VIL1: variants seen among roughly 807,000 people sequenced by gnomAD.
The protein encoded by VIL1 is villin-1.
Under a neutral mutation model 104.0 loss-of-function variants are expected in VIL1, and 86 were observed. That is an observed-to-expected ratio of 0.83 (90% confidence interval 0.69 to 0.99). The LOEUF is 0.99. Among genes scored for constraint, VIL1 ranks in the 50% least tolerant of loss-of-function variants. VIL1 has a pLI of 0.00. For missense variants in VIL1, 944 were observed against 1,054.1 expected (o/e 0.90, Z 1.45); for synonymous variants, 394 against 412.6 (o/e 0.95, Z 0.55).
At chr2:218,445,521 G>A (rs1225020473) in intron 19 of VIL1, among the ~76,000 whole-genome samples, 1 of 152,132 alleles carries the variant, frequency 6.6e-6, no homozygotes, top group African/African-American at 2.4e-5. Context: ...AGGGTGGGAG[G>A]CAAATCTATT....
At chr2:218,423,664 C>T (rs534673954) in intron 1 of VIL1, 104 bp from the exon 2 acceptor site, 1 of 1,165,302 alleles carries the variant, frequency 8.6e-7, no homozygotes, top group African/African-American at 1.5e-5. Context: ...CCCCAAGCCC[C>T]TGAGCCTGCG....
chr2:218,426,933 G>A (rs1175786461), intron 4 of VIL1, among the ~76,000 whole-genome samples: 1 of 152,072 alleles, frequency 6.6e-6, no homozygotes, highest in Non-Finnish European at 1.5e-5. Context: ...ATATTTTGTA[G>A]AGACGAAGGT....
In VIL1 at chr2:218,446,635, C is replaced by T. The variant is rs572058400; in HGVS notation, c.2371-2588C>T. ...GCCAACTGCAAGTGTTAATAGTTTA[C>T]CTTGCAGGTCTGGGAGTTGAAAGCT... is the stretch of plus-strand genomic sequence containing the variant. On this transcript the variant is annotated intron_variant, in intron 19 of 19. Coordinates refer to ENST00000248444, the MANE Select transcript of VIL1 (RefSeq NM_007127.3). Among the ~76,000 whole-genome samples, 190 of 152,210 alleles carry T rather than the reference C, an allele frequency of 1.2e-3. 1 individual carries two copies. In the South Asian group the frequency reaches 0.018, roughly 14 times the overall value.
At chr2:218,423,259 G>A (rs1284468030) in intron 1 of VIL1, among the ~76,000 whole-genome samples, 1 of 152,192 alleles carries the variant, frequency 6.6e-6, no homozygotes, top group Non-Finnish European at 1.5e-5. Flanking sequence ...GCCAGGCGTG[G>A]TGGCTCACGC....
rs765905134 is a variant in VIL1, at chr2:218,428,309, C to T, written c.539C>T (p.Pro180Leu). ...LGKLIIQWNG[P>L]ESTRMERLRG... ...AAGCTTATCATCCAGTGGAATGGAC[C>T]GGAAAGCACCCGTATGGAGAGACTC... The change falls in exon 6 of 20, where the codon CCG (proline) becomes CTG (leucine). Residue 180 changes from proline to leucine, a missense_variant. By Grantham distance (98) the Pro-to-Leu change is moderately conservative (BLOSUM62 -3). Coordinates refer to ENST00000248444, the MANE Select transcript of VIL1 (RefSeq NM_007127.3). 17 of 1,614,016 alleles carry T rather than the reference C, an allele frequency of 1.1e-5. No homozygotes were observed. Among genetic ancestry groups the T allele is most frequent in the Middle Eastern group, 3.3e-4 (2 of 6,084 alleles).
intron 18 of VIL1, among the ~76,000 whole-genome samples, chr2:218,439,541 G>A (rs891481973): frequency 2.6e-5 from 4 of 152,082 alleles, no homozygotes; most frequent in Non-Finnish European, 5.9e-5. Context: ...TATTTAGGCT[G>A]GGCACAGTGG....
chr2:218,431,618 G>A (rs1420460660), intron 10 of VIL1, among the ~76,000 whole-genome samples: 2 of 152,136 alleles, frequency 1.3e-5, no homozygotes, highest in Non-Finnish European at 1.5e-5. Context: ...CAAAGCTAAA[G>A]CCTTGCTCTT....
chr2:218,427,871 A>G (rs1689029065), intron 4 of VIL1, 94 bp from the exon 5 acceptor site: 10 of 1,193,858 alleles, frequency 8.4e-6, no homozygotes, highest in Non-Finnish European at 7.4e-6. Flanking sequence ...CCTGGCCCTC[A>G]CGTGACCCCA....
At chr2:218,420,596 T>G (rs1470941937) in intron 1 of VIL1, among the ~76,000 whole-genome samples, 1 of 150,352 alleles carries the variant, frequency 6.7e-6, no homozygotes, top group African/African-American at 2.4e-5. Flanking sequence ...TTTTTTTGTT[T>G]TTTTTTTGAG....
chr2:218,431,177 T>C (rs1485572350), intron 10 of VIL1: 3 of 510,200 alleles, frequency 5.9e-6, no homozygotes, highest in Non-Finnish European at 1.0e-5. Context: ...AAACCCCGTC[T>C]CTACTGAAAA....
intron 19 of VIL1, among the ~76,000 whole-genome samples, chr2:218,444,127 G>A (rs535392297): frequency 2.6e-5 from 4 of 151,988 alleles, no homozygotes; most frequent in East Asian, 3.9e-4. Context: ...CACCATACCC[G>A]GCTAATTTGT....
intron 19 of VIL1, among the ~76,000 whole-genome samples, chr2:218,442,827 G>A (rs1249851746): frequency 2.0e-5 from 3 of 152,058 alleles, no homozygotes; most frequent in Non-Finnish European, 4.4e-5. Context: ...TAAGGGTTTC[G>A]GCTCAATATT....
rs755591188 is a variant in VIL1 at position 218,432,377 on chromosome 2, G to A, written c.1341+194G>A. 206 of 894,442 alleles carry A rather than the reference G, an allele frequency of 2.3e-4. 1 individual carries two copies. Among genetic ancestry groups the A allele is most frequent in the Middle Eastern group, 9.5e-4 (3 of 3,142 alleles). The allele number at this position is 894,442 out of a possible 1,614,324, so 55.4% of individuals were successfully genotyped here. ...AGCCCTTTTCCTTTTGGTTCTCTGA[G>A]TCTCCCTTCCAATTTTCATTGCCTT... On this transcript the variant is annotated intron_variant, in intron 12 of 19. Transcript: ENST00000248444.
chr2:218,430,107 C>G (rs1482281202), intron 9 of VIL1, among the ~76,000 whole-genome samples, 160 bp downstream of exon 9: 2 of 152,066 alleles, frequency 1.3e-5, no homozygotes, highest in Non-Finnish European at 2.9e-5. Context: ...GGGCCCGGCC[C>G]AATGGGAGGG....
At chr2:218,435,966 G>A (rs565997989) in intron 15 of VIL1, among the ~76,000 whole-genome samples, 10 of 152,300 alleles carry the variant, frequency 6.6e-5, no homozygotes, top group East Asian at 1.9e-4. Flanking sequence ...AGCCTCCTGC[G>A]TAGCTGAGAT....
rs1034390258 is a variant in VIL1 at position 218,451,227 on chromosome 2, G to T, written c.*1891G>T. On this transcript the variant is annotated 3_prime_UTR_variant, in exon 20 of 20. Transcript: ENST00000248444. The stretch of plus-strand genomic sequence containing the variant: ...TATAAAGCAAAATGGGGAGGAAAAA[G>T]ACATCCATCCATTTTATTGGAACAC... 1 of 152,126 alleles carries T rather than the reference G, an allele frequency of 6.6e-6. No individual in the cohort carries two copies. The highest frequency in any genetic ancestry group is 1.5e-5 in the Non-Finnish European group (1 of 67,994). 9.4% of individuals were successfully genotyped at this position (152,126 alleles called of 1,614,324 possible).
chr2:218,422,203 C>T (rs1446269662), intron 1 of VIL1, among the ~76,000 whole-genome samples: 1 of 151,904 alleles, frequency 6.6e-6, no homozygotes, highest in Non-Finnish European at 1.5e-5. Context: ...TGAAGTAAGC[C>T]GAGATTGTGC....
At chr2:218,443,286 C>T (rs1211703451) in intron 19 of VIL1, among the ~76,000 whole-genome samples, 2 of 151,084 alleles carry the variant, frequency 1.3e-5, no homozygotes, top group African/African-American at 4.9e-5. Context: ...GCAACCTCTG[C>T]CTCCCAGGTT....
At chr2:218,425,853 G>A in intron 4 of VIL1, 42 bp downstream of exon 4, 1 of 1,567,162 alleles carries the variant, frequency 6.4e-7, no homozygotes, top group Non-Finnish European at 8.7e-7. Context: ...GAGGATGAGT[G>A]GTAGGGATAG....
Sources: gnomAD v4.1 joint callset for allele counts (sites outside exome capture counted in the v4.1 genomes callset) on GRCh38, gnomAD v4.1.1 for gene constraint, MANE v1.5 for transcripts, NCBI Gene and HGNC (gene_info 2026-07-23, HGNC 2026-07-21) for gene names.